Variants in HOXC8 observed in about 807,000 individuals in gnomAD.
The protein encoded by HOXC8 is homeobox C8, also known as homeobox protein Hox-C8.
HOXC8 carries 14 observed loss-of-function variants against 25.8 expected under a neutral mutation model. The ratio of observed to expected loss-of-function variants is 0.54; its 90% CI spans 0.36 to 0.85. The LOEUF is 0.85. HOXC8 is among the 40% of genes least tolerant of loss of function. HOXC8 has a pLI of 0.01. For missense variants in HOXC8, 316 were observed against 308.8 expected, an observed-to-expected ratio of 1.02 and a Z score of -0.17; for synonymous variants, 144 against 124.6, an observed-to-expected ratio of 1.16 and a Z score of -1.04.
Position 54,011,301 on chromosome 12 carries a change from C to A in HOXC8, c.649C>A (p.Arg217=). The A allele has an allele frequency of 1.3e-6, 2 of 1,552,296 alleles. No individual in the cohort carries two copies. Among genetic ancestry groups the A allele is most frequent in the Non-Finnish European group, 1.7e-6 (2 of 1,149,764 alleles). The part of the protein sequence containing the change: ...ENNKDKLPGA[R]DEEKVEEEGN... ...CAACAAGGATAAACTGCCGGGAGCCCGAGATGAGGAGAAGGTGGAGGAAGA... is the reference window on the plus strand; with the variant it reads ...CAACAAGGATAAACTGCCGGGAGCCAGAGATGAGGAGAAGGTGGAGGAAGA... The change falls in exon 2 of 2, where the codon CGA becomes AGA. Residue 217 remains arginine, a synonymous_variant. Coordinates refer to ENST00000040584, the MANE Select transcript of HOXC8 (RefSeq NM_022658.4).
At position 54,011,383 on chromosome 12, in the gene HOXC8, C is replaced by T. The variant is rs1450626585; in HGVS notation, c.*2C>T. The T allele has an allele frequency of 4.2e-6, 6 of 1,437,614 alleles. No individual in the cohort carries two copies. The East Asian group carries it at 7.4e-5, about 18-fold the overall frequency. 89.1% of individuals were successfully genotyped at this position (1,437,614 alleles called of 1,614,324 possible). A position where few individuals can be genotyped will look rare whatever the true frequency, so the allele number is the denominator to read the frequency against. ...GAAAAGGAAGAAAACAAGGACTAAGCAAAAAAGAAAGACCCCCCCCCCCTT... is the reference window on the plus strand; with the variant it reads ...GAAAAGGAAGAAAACAAGGACTAAGTAAAAAAGAAAGACCCCCCCCCCCTT... On this transcript the variant is annotated 3_prime_UTR_variant, in exon 2 of 2. Transcript: ENST00000040584.
At position 54,011,325 on chromosome 12, in the gene HOXC8, GA is replaced by G; in HGVS notation, c.675del (p.Gly226GlufsTer115). The G allele has an allele frequency of 6.6e-7, 1 of 1,512,950 alleles. No individual in the cohort carries two copies. The allele number at this position is 1,512,950 out of a possible 1,614,324, so 93.7% of individuals were successfully genotyped here. On this transcript the variant is annotated frameshift_variant, in exon 2 of 2. Transcript: ENST00000040584. LOFTEE classifies it high-confidence loss of function. ...CCGAGATGAGGAGAAGGTGGAGGAAGAAGGAAATGAGGAAGAGGAGAAAGAA... is the reference window on the plus strand; with the variant it reads ...CCGAGATGAGGAGAAGGTGGAGGAAGAGGAAATGAGGAAGAGGAGAAAGAA... Reference protein sequence around the residue: ...GARDEEKVEEEGNEEEEKEEE... With the variant: ...GARDEEKVEEXGNEEEEKEEE...
intron 1 of HOXC8, among the ~76,000 whole-genome samples, chr12:54,010,875 C>A (rs1939976445): frequency 6.6e-6 from 1 of 151,990 alleles, no homozygotes; most frequent in Admixed American, 6.5e-5. Flanking sequence ...TCCAAACAGA[C>A]CCTAGCCCCC....
intron 1 of HOXC8, among the ~76,000 whole-genome samples, chr12:54,010,880 G>A (rs1463610240): frequency 6.6e-6 from 1 of 150,444 alleles, no homozygotes; most frequent in Non-Finnish European, 1.5e-5. Context: ...ACAGACCCTA[G>A]CCCCCACCCC....
At position 54,011,406 on chromosome 12, in the gene HOXC8, C is replaced by CCCT. The variant is rs1555183425; in HGVS notation, c.*25_*26insCCT. On this transcript the variant is annotated 3_prime_UTR_variant, in exon 2 of 2. Transcript: ENST00000040584. ...AGCAAAAAAGAAAGACCCCCCCCCC[C>CCCT]TTAGCAACTCCCTTGAAGTTTCGTT... 64 of 1,361,462 alleles carry CCCT rather than the reference C, an allele frequency of 4.7e-5. 3 individuals are homozygous for CCCT. The African/African-American group carries it at 8.4e-4, about 18-fold the overall frequency. 84.3% of individuals were successfully genotyped at this position (1,361,462 alleles called of 1,614,324 possible). A position where few individuals can be genotyped will look rare whatever the true frequency, so the allele number is the denominator to read the frequency against.
At chr12:54,010,413 C>T (rs1939962261) in intron 1 of HOXC8, among the ~76,000 whole-genome samples, 1 of 152,164 alleles carries the variant, frequency 6.6e-6, no homozygotes, top group Non-Finnish European at 1.5e-5. Flanking sequence ...CCAGAAGACC[C>T]TAGCCGCCCC....
Position 54,011,390 on chromosome 12 carries a change from G to T in HOXC8, c.*9G>T. On this transcript the variant is annotated 3_prime_UTR_variant, in exon 2 of 2. Transcript: ENST00000040584. ...AAGAAAACAAGGACTAAGCAAAAAA[G>T]AAAGACCCCCCCCCCCTTAGCAACT... is the stretch of plus-strand genomic sequence containing the variant. 2.8e-6 allele frequency: 4 copies of T among 1,414,246 alleles called. No homozygotes were observed. Among genetic ancestry groups the T allele is most frequent in the East Asian group, 2.5e-5 (1 of 39,346 alleles). 87.6% of individuals were successfully genotyped at this position (1,414,246 alleles called of 1,614,324 possible).
rs1378441553 is a variant in HOXC8 at position 54,011,082 on chromosome 12, T to C, written c.437-7T>C. On this transcript the variant is annotated splice_region_variant and splice_polypyrimidine_tract_variant and intron_variant, in intron 1 of 1. Transcript: ENST00000040584. ...ACGTAACCAGACTGGGGTTTTCTTC[T>C]GTCCAGCTCCGGGGAGGCGCAGTGG... 1.9e-6 allele frequency: 3 copies of C among 1,609,918 alleles called. No individual in the cohort carries two copies. Among genetic ancestry groups the C allele is most frequent in the Non-Finnish European group, 2.5e-6 (3 of 1,176,488 alleles).
At chr12:54,010,870 A>G (rs1021156202) in intron 1 of HOXC8, among the ~76,000 whole-genome samples, 31 of 151,994 alleles carry the variant, frequency 2.0e-4, no homozygotes, top group African/African-American at 7.0e-4. Context: ...CAGTTTCCAA[A>G]CAGACCCTAG....
In HOXC8 at chr12:54,011,332, A is replaced by G. The variant is rs760277877; in HGVS notation, c.680A>G (p.Asn227Ser). 10 of 1,523,414 alleles carry G rather than the reference A, an allele frequency of 6.6e-6. No individual in the cohort carries two copies. Among genetic ancestry groups the G allele is most frequent in the South Asian group, 2.6e-5 (2 of 76,332 alleles). The allele number at this position is 1,523,414 out of a possible 1,614,324, so 94.4% of individuals were successfully genotyped here. Residue 227 changes from asparagine to serine, a missense_variant, in exon 2 of 2, where the codon AAT becomes AGT. Coordinates refer to ENST00000040584, the MANE Select transcript of HOXC8 (RefSeq NM_022658.4). ...GAGGAGAAGGTGGAGGAAGAAGGAA[A>G]TGAGGAAGAGGAGAAAGAAGAGGAG... ...RDEEKVEEEG[N>S]EEEEKEEEEK...
chr12:54,009,735 C>G lies in HOXC8; in HGVS notation c.436+15C>G. 6.2e-7 allele frequency: 1 copy of G among 1,607,482 alleles called. No homozygotes were observed. The highest frequency in any genetic ancestry group is 8.5e-7 in the Non-Finnish European group (1 of 1,174,466). On this transcript the variant is annotated intron_variant, in intron 1 of 1. Transcript: ENST00000040584. This position sits in a 1 kb window ranked among gnomAD's most constrained non-coding sequence, Gnocchi z 5.0. ...GAGACCCCACGGTGAGAAGCCTTTT[C>G]TCTTTCCCCCTTGGTCTCCCGCGCT...
intron 1 of HOXC8, among the ~76,000 whole-genome samples, chr12:54,010,388 A>T (rs1308658010): frequency 6.6e-6 from 1 of 152,220 alleles, no homozygotes; most frequent in Non-Finnish European, 1.5e-5. Flanking sequence ...CATAGAGATT[A>T]GGGGTTCCTG....
At position 54,011,534 on chromosome 12, in the gene HOXC8, T is replaced by G; in HGVS notation, c.*153T>G. 3.8e-5 allele frequency: 36 copies of G among 957,292 alleles called. No individual in the cohort carries two copies. The highest frequency in any genetic ancestry group is 4.6e-5 in the Non-Finnish European group (32 of 693,812). 59.3% of individuals were successfully genotyped at this position (957,292 alleles called of 1,614,324 possible). A position where few individuals can be genotyped will look rare whatever the true frequency, so the allele number is the denominator to read the frequency against. ...ACTACCTGTCAGATACTTGCAGCTCTGGTTTTATTACCTTTGGACTTCCCC... is the reference window on the plus strand; with the variant it reads ...ACTACCTGTCAGATACTTGCAGCTCGGGTTTTATTACCTTTGGACTTCCCC... On this transcript the variant is annotated 3_prime_UTR_variant, in exon 2 of 2. Transcript: ENST00000040584.
In HOXC8 at chr12:54,011,157, C is replaced by G; in HGVS notation, c.505C>G (p.Leu169Val). 1 of 1,614,126 alleles carries G rather than the reference C, an allele frequency of 6.2e-7. No homozygotes were observed. Among genetic ancestry groups the G allele is most frequent in the East Asian group, 2.2e-5 (1 of 44,870 alleles). ...GACCTTGGAACTAGAAAAGGAGTTT[C>G]TCTTTAATCCTTATTTGACACGAAA... is the stretch of plus-strand genomic sequence containing the variant. ...YQTLELEKEF[L>V]FNPYLTRKRR... Residue 169 changes from leucine to valine, a missense_variant, in exon 2 of 2, where the codon CTC becomes GTC. By Grantham distance (32) the Leu-to-Val change is conservative. Transcript: ENST00000040584.
rs777416892 is a variant in HOXC8, at chr12:54,009,611, G to A, written c.327G>A (p.Val109=). The A allele has an allele frequency of 2.5e-6, 4 of 1,614,222 alleles. No individual in the cohort carries two copies. The highest frequency in any genetic ancestry group is 3.4e-6 in the Non-Finnish European group (4 of 1,180,042). The change falls in exon 1 of 2, where the codon GTG becomes GTA. Residue 109 remains valine, a synonymous_variant. Transcript: ENST00000040584. The surrounding 1 kb of genome is among the most constrained non-coding windows in gnomAD (Gnocchi z 5.0). ...LYGAQQEASV[V]QYPDCKSSAN... is the part of the protein sequence containing the mutation. ...GGGCTCAGCAAGAGGCGAGCGTGGTGCAATATCCCGACTGTAAATCCTCCG... is the reference window on the plus strand; with the variant it reads ...GGGCTCAGCAAGAGGCGAGCGTGGTACAATATCCCGACTGTAAATCCTCCG...
chr12:54,009,391 A>G lies in HOXC8; in HGVS notation c.107A>G (p.His36Arg). 1 of 1,614,068 alleles carries G rather than the reference A, an allele frequency of 6.2e-7. No homozygotes were observed. The highest frequency in any genetic ancestry group is 8.5e-7 in the Non-Finnish European group (1 of 1,179,964). ...TTCCCTCAGAGCGTGGGCAGGAGCC[A>G]TGCGCTGGTGTACGGGCCCGGCGGC... is the stretch of plus-strand genomic sequence containing the variant. The part of the protein sequence containing the change: ...CRFPQSVGRS[H>R]ALVYGPGGSA... The change falls in exon 1 of 2, where the codon CAT (histidine) becomes CGT (arginine). Residue 36 changes from histidine to arginine, a missense_variant. By Grantham distance (29) the His-to-Arg change is conservative (BLOSUM62 0). Coordinates refer to ENST00000040584, the MANE Select transcript of HOXC8 (RefSeq NM_022658.4). The surrounding 1 kb of genome is among the most constrained non-coding windows in gnomAD (Gnocchi z 5.0).
At position 54,011,587 on chromosome 12, in the gene HOXC8, G is replaced by C. The variant is rs376723569; in HGVS notation, c.*206G>C. The C allele has an allele frequency of 9.1e-5, 52 of 571,754 alleles. No homozygotes were observed. Among genetic ancestry groups the C allele is most frequent in the East Asian group, 2.6e-4 (7 of 27,318 alleles). The allele number at this position is 571,754 out of a possible 1,614,324, so 35.4% of individuals were successfully genotyped here. On this transcript the variant is annotated 3_prime_UTR_variant, in exon 2 of 2. Coordinates refer to ENST00000040584, the MANE Select transcript of HOXC8 (RefSeq NM_022658.4). ...CTCTTTATTTGTTTGGGGGCTGGAG[G>C]GGGGAGACGGAGAAACAGTGAAAAG...
chr12:54,010,380 T>C (rs969603707), intron 1 of HOXC8, among the ~76,000 whole-genome samples: 3 of 152,074 alleles, frequency 2.0e-5, no homozygotes, highest in African/African-American at 7.2e-5. Flanking sequence ...AGAGAGGCCA[T>C]AGAGATTAGG....
In HOXC8 at chr12:54,009,716, C is replaced by G. The variant is rs149665546; in HGVS notation, c.432C>G (p.Pro144=). 613 of 1,612,750 alleles carry G rather than the reference C, an allele frequency of 3.8e-4. No individual in the cohort carries two copies. Among genetic ancestry groups the G allele is most frequent in the Non-Finnish European group, 4.9e-4 (576 of 1,178,904 alleles). ...SPSLMFPWMR[P]HAPGRRSGRQ... is the part of the protein sequence containing the mutation. ...GCCTCATGTTTCCATGGATGAGACC[C>G]CACGGTGAGAAGCCTTTTCTCTTTC... Residue 144 remains proline, a synonymous_variant, in exon 1 of 2, where the codon CCC becomes CCG. Transcript: ENST00000040584. This position sits in a 1 kb window ranked among gnomAD's most constrained non-coding sequence, Gnocchi z 5.0.
Sources: allele counts gnomAD v4.1 joint callset (sites outside exome capture counted in the v4.1 genomes callset), GRCh38; gene constraint gnomAD v4.1.1; non-coding constraint Gnocchi (gnomAD v3.1); transcripts MANE v1.5; gene names NCBI Gene and HGNC (gene_info 2026-07-23, HGNC 2026-07-21).